The following ESPL1 variants were observed in gnomAD, a reference collection of about 807,000 sequenced individuals.
The protein encoded by ESPL1 is separin.
ESPL1 carries 50 observed loss-of-function variants against 217.2 expected under a neutral mutation model. The observed-to-expected ratio is 0.23, with a 90% CI of 0.18 to 0.29. The LOEUF is 0.29. Ranked by LOEUF, ESPL1 falls within the 10% of genes least tolerant of loss-of-function variation. ESPL1 has a pLI of 1.00. For missense variants in ESPL1, 1,834 were observed against 2,603.0 expected, an observed-to-expected ratio of 0.70 and a Z score of 6.43; for synonymous variants, 994 against 1,081.3, an observed-to-expected ratio of 0.92 and a Z score of 1.58.
rs762992486 is a variant in ESPL1 at position 53,286,754 on chromosome 12, G to A, written c.4018G>A (p.Gly1340Ser). ...LNNTSQKGLE[G>S]RGLPCTPKPP... Reference sequence around the variant, plus strand: ...TAATACCTCTCAGAAAGGTCTGGAAGGTAGAGGACTGCCCTGCACACCTAA... The same window carrying A: ...TAATACCTCTCAGAAAGGTCTGGAAAGTAGAGGACTGCCCTGCACACCTAA... Residue 1340 changes from glycine to serine, a missense_variant, in exon 18 of 31, where the codon GGT becomes AGT. Transcript: ENST00000257934. This position sits in a 1 kb window ranked among gnomAD's most constrained non-coding sequence, Gnocchi z 5.3. The A allele has an allele frequency of 1.7e-5, 28 of 1,614,034 alleles. No individual in the cohort carries two copies. In the South Asian group the frequency reaches 2.9e-4, roughly 16 times the overall value.
intron 22 of ESPL1, 193 bp from the exon 23 acceptor site, chr12:53,289,892 T>C (rs1247722172): frequency 3.2e-6 from 2 of 633,882 alleles, no homozygotes; most frequent in African/African-American, 3.7e-5. Flanking sequence ...TTAGTTGCTG[T>C]GAGGGACACA....
At chr12:53,272,667 G>C in intron 5 of ESPL1, 54 bp from the exon 6 acceptor site, 2 of 1,591,662 alleles carry the variant, frequency 1.3e-6, no homozygotes, top group South Asian at 2.2e-5. Context: ...TCTCCAGGAG[G>C]AGAGGGTGGT....
intron 9 of ESPL1, 60 bp downstream of exon 9, chr12:53,277,287 C>T (rs1201533662): frequency 3.2e-6 from 5 of 1,558,252 alleles, no homozygotes; most frequent in African/African-American, 1.4e-5. Flanking sequence ...GTCCCTGGGC[C>T]CCCAACAAGT....
intron 11 of ESPL1, among the ~76,000 whole-genome samples, chr12:53,279,154 G>T (rs1943821610): frequency 6.6e-6 from 1 of 152,232 alleles, no homozygotes; most frequent in Non-Finnish European, 1.5e-5. Flanking sequence ...GCCTTTCAAA[G>T]TGCTGGGGTT....
Position 53,282,234 on chromosome 12 carries a change from C to T in ESPL1, c.2620-30C>T. ...AGCTCTGGAGTGCCTGACTGCCTTACTGCCTCCTCTGGCTCCTTCTCTCCT... is the reference window on the plus strand; with the variant it reads ...AGCTCTGGAGTGCCTGACTGCCTTATTGCCTCCTCTGGCTCCTTCTCTCCT... On this transcript the variant is annotated intron_variant, in intron 13 of 30. Transcript: ENST00000257934. The surrounding 1 kb of genome is among the most constrained non-coding windows in gnomAD (Gnocchi z 4.0). 1 of 1,608,728 alleles carries T rather than the reference C, an allele frequency of 6.2e-7. No homozygotes were observed. Among genetic ancestry groups the T allele is most frequent in the Non-Finnish European group, 8.5e-7 (1 of 1,175,580 alleles).
At chr12:53,272,066 G>A (rs1271608001) in intron 5 of ESPL1, among the ~76,000 whole-genome samples, 2 of 142,604 alleles carry the variant, frequency 1.4e-5, no homozygotes, top group Non-Finnish European at 3.0e-5. Context: ...CAGTCTGAGC[G>A]ACAGAGCAAG....
chr12:53,286,456 CGAG>C lies in ESPL1; in HGVS notation c.3721_3723del (p.Glu1241del). 1 of 1,614,216 alleles carries C rather than the reference CGAG, an allele frequency of 6.2e-7. No individual in the cohort carries two copies. The highest frequency in any genetic ancestry group is 8.5e-7 in the Non-Finnish European group (1 of 1,180,038). ...TGGAGGGCCTGAACCAGCCATCAAACGAGAGCCTGCAGAAGGTTCTACAGTCAG... is the reference window on the plus strand; with the variant it reads ...TGGAGGGCCTGAACCAGCCATCAAACAGCCTGCAGAAGGTTCTACAGTCAG... On this transcript the variant is annotated inframe_deletion, in exon 18 of 31. Transcript: ENST00000257934. This position sits in a 1 kb window ranked among gnomAD's most constrained non-coding sequence, Gnocchi z 5.3.
chr12:53,288,176 G>C lies in ESPL1; in HGVS notation c.4381G>C (p.Val1461Leu). The change falls in exon 19 of 31, where the codon GTG becomes CTG. Residue 1461 changes from valine (V) to leucine (L), a missense_variant. By Grantham distance (32) the Val-to-Leu change is conservative. Coordinates refer to ENST00000257934, the MANE Select transcript of ESPL1 (RefSeq NM_012291.5). ...LNGRSRRAKK[V>L]ASRHCEERRP... is the part of the protein sequence containing the mutation. ...TGGCAGGAGCCGGAGGGCCAAGAAG[G>C]TGGCATCAAGACATTGTGAGGAGCG... 1.2e-6 allele frequency: 2 copies of C among 1,612,498 alleles called. No individual in the cohort carries two copies. Among genetic ancestry groups the C allele is most frequent in the Non-Finnish European group, 1.7e-6 (2 of 1,179,510 alleles).
Position 53,277,940 on chromosome 12 carries a change from C to G in ESPL1, c.2344C>G (p.Leu782Val). Residue 782 changes from leucine (L) to valine (V), a missense_variant, in exon 11 of 31, where the codon CTC becomes GTC. Leu to Val is a conservative substitution (Grantham distance 32). Around this residue, in one of 5 missense-constraint regions of ESPL1, gnomAD observed 746 missense variants for 1,077.0 expected, o/e 0.69. Coordinates refer to ENST00000257934, the MANE Select transcript of ESPL1 (RefSeq NM_012291.5). ...AGCCTCACTGCAGATCCTAGCAGCCCTCTACCAGCTGGTGGCAAAGGTAAT... is the reference window on the plus strand; with the variant it reads ...AGCCTCACTGCAGATCCTAGCAGCCGTCTACCAGCTGGTGGCAAAGGTAAT... The part of the protein sequence containing the change: ...TAASLQILAA[L>V]YQLVAKPMQA... 6.2e-7 allele frequency: 1 copy of G among 1,613,846 alleles called. No individual in the cohort carries two copies. The highest frequency in any genetic ancestry group is 8.5e-7 in the Non-Finnish European group (1 of 1,179,990).
At position 53,286,936 on chromosome 12, in the gene ESPL1, G is replaced by T; in HGVS notation, c.4176+24G>T. ...AGGTGAGGTGGGACTGTTGCTAGGT[G>T]GTGGTGATGGTGTTGGATGGGGTTA... On this transcript the variant is annotated intron_variant, in intron 18 of 30. Transcript: ENST00000257934. The surrounding 1 kb of genome is among the most constrained non-coding windows in gnomAD (Gnocchi z 5.3). The T allele has an allele frequency of 2.6e-6, 4 of 1,558,866 alleles. No individual in the cohort carries two copies. The highest frequency in any genetic ancestry group is 3.5e-6 in the Non-Finnish European group (4 of 1,153,832).
In ESPL1 at chr12:53,269,341, C is replaced by T. The variant is rs774470549; in HGVS notation, c.399C>T (p.Arg133=). The T allele has an allele frequency of 3.7e-6, 6 of 1,614,098 alleles. No individual in the cohort carries two copies. Among genetic ancestry groups the T allele is most frequent in the Middle Eastern group, 1.6e-4 (1 of 6,062 alleles). The change falls in exon 3 of 31, where the codon CGC becomes CGT. Residue 133 remains arginine, a synonymous_variant. Coordinates refer to ENST00000257934, the MANE Select transcript of ESPL1 (RefSeq NM_012291.5). The surrounding 1 kb of genome is among the most constrained non-coding windows in gnomAD (Gnocchi z 6.7). ...PLHACLVQCS[R]EAAPQDYEAV... is the part of the protein sequence containing the mutation. ...ATGCCTGCTTGGTGCAGTGCTCTCG[C>T]GAGGCTGCTCCCCAGGACTATGAGG...
chr12:53,287,863 G>C (rs1378953723), intron 18 of ESPL1, 109 bp from the exon 19 acceptor site: 1 of 1,090,584 alleles, frequency 9.2e-7, no homozygotes, highest in African/African-American at 1.6e-5. Flanking sequence ...AAATCTTCCA[G>C]GGTCCTGTGT....
chr12:53,281,830 C>T (rs1201677425), intron 13 of ESPL1, among the ~76,000 whole-genome samples: 1 of 152,106 alleles, frequency 6.6e-6, no homozygotes, highest in East Asian at 1.9e-4. Context: ...CCTTTTCCTT[C>T]TTCAGGGGCA....
intron 18 of ESPL1, 133 bp downstream of exon 18, chr12:53,287,045 C>A: frequency 1.2e-6 from 1 of 835,506 alleles, no homozygotes; most frequent in Non-Finnish European, 1.8e-6. Context: ...CTCCTGCTAT[C>A]TGCAGTACCC....
chr12:53,274,123 G>C (rs1485412468), intron 6 of ESPL1: 1 of 152,220 alleles, frequency 6.6e-6, no homozygotes, highest in East Asian at 1.9e-4. Context: ...CAAAGTGCTG[G>C]GATTACCGGC....
chr12:53,273,726 T>C (rs1943715023), intron 6 of ESPL1, among the ~76,000 whole-genome samples: 1 of 149,734 alleles, frequency 6.7e-6, no homozygotes, highest in Non-Finnish European at 1.5e-5. Flanking sequence ...GCTACTGTAC[T>C]CCAGCCTGGG....
chr12:53,279,435 T>C (rs1409745921), intron 11 of ESPL1, among the ~76,000 whole-genome samples: 1 of 152,230 alleles, frequency 6.6e-6, no homozygotes, highest in Non-Finnish European at 1.5e-5. Flanking sequence ...CTTAGCTTCC[T>C]GTACTGTAAA....
In ESPL1 at chr12:53,282,185, C is replaced by A; in HGVS notation, c.2620-79C>A. Reference sequence around the variant, plus strand: ...ATACCCAGGGCCTTCAGGGATGGGGCCACGTAATCTCCAGGGCCTCTCAAG... The same window carrying A: ...ATACCCAGGGCCTTCAGGGATGGGGACACGTAATCTCCAGGGCCTCTCAAG... On this transcript the variant is annotated intron_variant, in intron 13 of 30. Coordinates refer to ENST00000257934, the MANE Select transcript of ESPL1 (RefSeq NM_012291.5). This position sits in a 1 kb window ranked among gnomAD's most constrained non-coding sequence, Gnocchi z 4.0. 2 of 1,214,936 alleles carry A rather than the reference C, an allele frequency of 1.6e-6. No homozygotes were observed. The highest frequency in any genetic ancestry group is 2.4e-6 in the Non-Finnish European group (2 of 830,646). The allele number at this position is 1,214,936 out of a possible 1,614,324, so 75.3% of individuals were successfully genotyped here.
In ESPL1 at chr12:53,291,721, C is replaced by T; in HGVS notation, c.5552C>T (p.Pro1851Leu). The T allele has an allele frequency of 1.2e-6, 2 of 1,614,024 alleles. No individual in the cohort carries two copies. Reference sequence around the variant, plus strand: ...CTCAGTGGTGCCGGTGCCCTCACCCCTCAGGACATTCAGGCCCTGGCCTAC... The same window carrying T: ...CTCAGTGGTGCCGGTGCCCTCACCCTTCAGGACATTCAGGCCCTGGCCTAC... ...IMLSGAGALT[P>L]QDIQALAYGL... is the part of the protein sequence containing the mutation. Residue 1851 changes from proline to leucine, a missense_variant, in exon 26 of 31, where the codon CCT (proline) becomes CTT (leucine). By Grantham distance (98) the Pro-to-Leu change is moderately conservative (BLOSUM62 -3). Around this residue, in one of 5 missense-constraint regions of ESPL1, gnomAD observed 295 missense variants for 519.8 expected, o/e 0.57. Coordinates refer to ENST00000257934, the MANE Select transcript of ESPL1 (RefSeq NM_012291.5).
Sources: gnomAD v4.1 joint callset for allele counts (sites outside exome capture counted in the v4.1 genomes callset) on GRCh38, gnomAD v4.1.1 for gene constraint, gnomAD v4.1.1 regional missense constraint, Gnocchi (gnomAD v3.1) non-coding constraint, MANE v1.5 for transcripts, NCBI Gene and HGNC (gene_info 2026-07-23, HGNC 2026-07-21) for gene names.